CHD7: variants seen among roughly 807,000 people sequenced by gnomAD.
CHD7 encodes the protein chromodomain helicase DNA binding protein 7.
In CHD7, 24 loss-of-function variants were observed where a neutral mutation model predicts 307.3. The observed-to-expected ratio is 0.08, with a 90% CI of 0.06 to 0.11. The LOEUF (loss-of-function observed/expected upper bound fraction) is 0.11. CHD7 is among the 10% of genes least tolerant of loss of function. CHD7 has a pLI of 1.00. For missense variants in CHD7, 3,106 were observed against 3,727.1 expected (o/e 0.83, Z 4.34); for synonymous variants, 1,363 against 1,349.9 (o/e 1.01, Z -0.21).
chr8:60,864,700 C>T (rs1806161629), intron 37 of CHD7: 5 of 311,504 alleles, frequency 1.6e-5, no homozygotes, highest in Non-Finnish European at 3.0e-5. Context: ...AGATCTTACT[C>T]ATCCTGTCTA....
intron 2 of CHD7, among the ~76,000 whole-genome samples, chr8:60,770,616 A>G (rs1328272747): frequency 1.3e-5 from 2 of 152,230 alleles, no homozygotes; most frequent in Admixed American, 1.3e-4. Context: ...TATTGCTTAT[A>G]ACACAGCTGC....
chr8:60,770,159 A>T (rs1466347659), intron 2 of CHD7, among the ~76,000 whole-genome samples: 1 of 152,220 alleles, frequency 6.6e-6, no homozygotes, highest in East Asian at 1.9e-4. Context: ...AAATTAGCAA[A>T]TAATTGGTGG....
At chr8:60,843,772 T>C (rs2150790426) in intron 21 of CHD7, among the ~76,000 whole-genome samples, 1 of 152,288 alleles carries the variant, frequency 6.6e-6, no homozygotes, top group East Asian at 1.9e-4. Context: ...TTGGTGGATA[T>C]CACAAATCAG....
intron 19 of CHD7, among the ~76,000 whole-genome samples, chr8:60,839,569 A>T (rs960651706): frequency 5.3e-5 from 8 of 152,302 alleles, no homozygotes; most frequent in African/African-American, 1.9e-4. Flanking sequence ...ATAGATGAGG[A>T]TATGGAGGAA....
At chr8:60,773,503 T>C (rs16926466) in intron 2 of CHD7, among the ~76,000 whole-genome samples, 3,060 of 152,070 alleles carry the variant, frequency 0.02, 88 homozygotes, top group African/African-American at 0.059. Context: ...GCCCTAGGGG[T>C]GTGTGTGTAG....
chr8:60,774,133 T>A (rs1016046916), intron 2 of CHD7, among the ~76,000 whole-genome samples: 17 of 152,136 alleles, frequency 1.1e-4, no homozygotes, highest in African/African-American at 3.1e-4. Flanking sequence ...GATACCACTG[T>A]TGGGGGTCCT....
intron 2 of CHD7, among the ~76,000 whole-genome samples, chr8:60,765,223 ACACACACG>A (rs1372923679): frequency 1.5e-4 from 15 of 100,760 alleles, no homozygotes; most frequent in East Asian, 3.5e-4. Flanking sequence ...ACACACACAC[ACACACACG>A]CACACGCATG....
intron 1 of CHD7, among the ~76,000 whole-genome samples, chr8:60,698,385 C>T (rs2150502204): frequency 6.6e-6 from 1 of 152,228 alleles, no homozygotes; most frequent in East Asian, 1.9e-4. Flanking sequence ...AATCCTCCTC[C>T]ACCAGCCATA....
chr8:60,831,942 G>A (rs1804536283), intron 15 of CHD7, among the ~76,000 whole-genome samples: 3 of 152,048 alleles, frequency 2.0e-5, no homozygotes, highest in Admixed American at 6.6e-5. Context: ...GTCCACTCCT[G>A]GAAGATAGTC....
intron 12 of CHD7, 134 bp downstream of exon 12, chr8:60,822,880 A>C: frequency 1.6e-6 from 1 of 641,184 alleles, no homozygotes; most frequent in Non-Finnish European, 2.5e-6. Flanking sequence ...TATCTGACTC[A>C]ATTTACATTT....
At chr8:60,718,449 T>TG (rs1430724361) in intron 1 of CHD7, among the ~76,000 whole-genome samples, 1 of 151,076 alleles carries the variant, frequency 6.6e-6, no homozygotes, top group Non-Finnish European at 1.5e-5. Flanking sequence ...CACTCCAGCA[T>TG]GGGAGACAGA....
At chr8:60,744,478 ATTTTTTTT>A (rs569101482) in intron 2 of CHD7, among the ~76,000 whole-genome samples, 3 of 66,672 alleles carry the variant, frequency 4.5e-5, no homozygotes, top group Non-Finnish European at 7.5e-5. Context: ...TCAGAGCAGC[ATTTTTTTT>A]TTTTTTTTTT....
Position 60,746,977 on chromosome 8 carries a change from C to G in CHD7, c.1665+3880C>G, listed in dbSNP as rs538703176. 2.0e-5 allele frequency among the ~76,000 whole-genome samples: 3 copies of G among 152,342 alleles called. No individual in the cohort carries two copies. In the South Asian group the frequency reaches 6.2e-4, roughly 32 times the overall value. On this transcript the variant is annotated intron_variant, in intron 2 of 37. Transcript: ENST00000423902. ...GACCTCTACACATTCTTAAAAATTA[C>G]TGGGGACTCCAAAGAGTGTGTGTTA...
At chr8:60,716,484 C>G (rs1421387222) in intron 1 of CHD7, among the ~76,000 whole-genome samples, 2 of 152,192 alleles carry the variant, frequency 1.3e-5, no homozygotes, top group African/African-American at 4.8e-5. Context: ...TTGCTCTGAT[C>G]TCCTCAGACA....
chr8:60,737,878 C>T (rs1808787908), intron 1 of CHD7, among the ~76,000 whole-genome samples: 1 of 152,122 alleles, frequency 6.6e-6, no homozygotes. Flanking sequence ...TATATAAGCT[C>T]CATGAGGACA....
At chr8:60,837,959 A>C in intron 18 of CHD7, 117 bp from the exon 19 acceptor site, 1 of 1,264,298 alleles carries the variant, frequency 7.9e-7, no homozygotes, top group Non-Finnish European at 1.1e-6. Context: ...ATTTTGTAAC[A>C]CTTTCCTTTG....
chr8:60,757,019 G>A (rs1343354813), intron 2 of CHD7, among the ~76,000 whole-genome samples: 3 of 152,288 alleles, frequency 2.0e-5, no homozygotes, highest in African/African-American at 7.2e-5. Flanking sequence ...AAAGAGGATC[G>A]TAGGATGAAT....
intron 1 of CHD7, among the ~76,000 whole-genome samples, chr8:60,706,098 A>G (rs1402280432): frequency 6.6e-6 from 1 of 152,062 alleles, no homozygotes; most frequent in Non-Finnish European, 1.5e-5. Context: ...GTCCTGAGCT[A>G]TGCAGTTCCA....
chr8:60,854,294 A>G, intron 31 of CHD7, 69 bp from the exon 32 acceptor site: 3 of 1,397,298 alleles, frequency 2.1e-6, no homozygotes, highest in South Asian at 2.5e-5. Context: ...ATTTTTAATC[A>G]TGTCCTTTCT....
Sources: allele counts gnomAD v4.1 joint callset (sites outside exome capture counted in the v4.1 genomes callset), GRCh38; gene constraint gnomAD v4.1.1; transcripts MANE v1.5; gene names NCBI Gene and HGNC (gene_info 2026-07-23, HGNC 2026-07-21).